TTC6: variants seen among roughly 807,000 people sequenced by gnomAD.
The protein encoded by TTC6 is tetratricopeptide repeat protein 6.
Under a neutral mutation model 210.4 loss-of-function variants are expected in TTC6, and 172 were observed. The ratio of observed to expected loss-of-function variants is 0.82; its 90% CI spans 0.72 to 0.93. The LOEUF is 0.93. TTC6 is among the 40% of genes least tolerant of loss of function. The pLI is 0.00. For synonymous variants in TTC6, 804 were observed against 819.6 expected (o/e 0.98, Z 0.32); for missense variants, 2,414 against 2,318.1 (o/e 1.04, Z -0.85).
In TTC6 at chr14:37,735,916, C is replaced by T. The variant is rs894236565; in HGVS notation, c.1819-5C>T. The T allele has an allele frequency of 1.3e-6, 2 of 1,507,244 alleles. No individual in the cohort carries two copies. The highest frequency in any genetic ancestry group is 1.4e-5 in the African/African-American group (1 of 72,176). 93.4% of individuals were successfully genotyped at this position (1,507,244 alleles called of 1,614,324 possible). A position where few individuals can be genotyped will look rare whatever the true frequency, so the allele number is the denominator to read the frequency against. On this transcript the variant is annotated splice_region_variant and splice_polypyrimidine_tract_variant and intron_variant, in intron 7 of 30. Transcript: ENST00000553443. ...TAATTTAAAATTGTTATCTTTTTAT[C>T]ACAGAGTGTTCAAGCAAGCAGACTT...
At chr14:37,616,072 T>A (rs12147245) in intron 2 of TTC6, among the ~76,000 whole-genome samples, 49,795 of 152,086 alleles carry the variant, frequency 0.33, 8,306 homozygotes, top group Middle Eastern at 0.41. Flanking sequence ...TCACTGTAAG[T>A]CTTGTCTTAC....
At chr14:37,704,761 C>G (rs540131280) in intron 5 of TTC6, among the ~76,000 whole-genome samples, 12 of 152,026 alleles carry the variant, frequency 7.9e-5, no homozygotes, top group Non-Finnish European at 1.2e-4. Context: ...TGATGCTAAT[C>G]TTAGAAAGGG....
rs1196179067 is a variant in TTC6, at chr14:37,842,172, A to G, written c.5542A>G (p.Asn1848Asp). Residue 1848 changes from asparagine (N) to aspartate (D), a missense_variant, in exon 31 of 31, where the codon AAT becomes GAT. Physicochemically the swap from Asn to Asp is conservative, Grantham distance 23. Transcript: ENST00000553443. ...TTTTGCAGCCCTGTCTTTGAAGCCT[A>G]ATGATGCTCTAGTATATAATTTTAG... 6 of 1,587,658 alleles carry G rather than the reference A, an allele frequency of 3.8e-6. No homozygotes were observed. In the Admixed American group the frequency reaches 5.4e-5, roughly 14 times the overall value.
intron 29 of TTC6, among the ~76,000 whole-genome samples, chr14:37,836,969 C>T (rs975435189): frequency 1.1e-4 from 16 of 152,134 alleles, no homozygotes; most frequent in Admixed American, 1.0e-3. Context: ...TTATGAACTA[C>T]AGGTGACATT....
chr14:37,755,093 A>T (rs562154754), intron 14 of TTC6, among the ~76,000 whole-genome samples: 1 of 152,300 alleles, frequency 6.6e-6, no homozygotes, highest in Admixed American at 6.5e-5. Context: ...TTTTATCAGC[A>T]TTCTAACTGG....
intron 1 of TTC6, among the ~76,000 whole-genome samples, chr14:37,673,779 C>T (rs1236489937): frequency 6.6e-6 from 1 of 152,128 alleles, no homozygotes; most frequent in Admixed American, 6.6e-5. Flanking sequence ...CCTTCAAGGT[C>T]CTTCCAGCTT....
At chr14:37,632,926 A>T (rs116021445) in intron 1 of TTC6, among the ~76,000 whole-genome samples, 4,813 of 152,164 alleles carry the variant, frequency 0.032, 291 homozygotes, top group African/African-American at 0.11. Flanking sequence ...AAAAACTCCT[A>T]CTCAATCAGT....
chr14:37,727,790 C>A (rs1220113518), intron 7 of TTC6, among the ~76,000 whole-genome samples: 1 of 152,012 alleles, frequency 6.6e-6, no homozygotes, highest in East Asian at 1.9e-4. Flanking sequence ...AGTGTTTAAA[C>A]ATTTTTTAAA....
At chr14:37,636,374 T>C (rs1182643283) in intron 1 of TTC6, among the ~76,000 whole-genome samples, 1 of 152,132 alleles carries the variant, frequency 6.6e-6, no homozygotes, top group Non-Finnish European at 1.5e-5. Flanking sequence ...TCTTGGGCCA[T>C]AAAATGAACC....
At chr14:37,823,677 GA>G (rs1195461741) in intron 26 of TTC6, 69 bp from the exon 29 acceptor site, 6 of 1,380,074 alleles carry the variant, frequency 4.3e-6, no homozygotes, top group Non-Finnish European at 5.0e-6. Flanking sequence ...TCAGTTATAG[GA>G]AAACATTGTA....
Position 37,701,322 on chromosome 14 carries a change from TCTGTTGCAGAATTCCACAAGACTA to T in TTC6, c.1377-7_1393del. ...GATGAAAGGAGCTCACTTTCTTTTC[TCTGTTGCAGAATTCCACAAGACTA>T]CTCCATGCCGCACCTTCATGATCTG... is the stretch of plus-strand genomic sequence containing the variant. On this transcript the variant is annotated splice_acceptor_variant and splice_polypyrimidine_tract_variant and coding_sequence_variant and intron_variant, in exon 5 of 31. Coordinates refer to ENST00000553443, the Ensembl canonical transcript of TTC6. LOFTEE classifies it high-confidence loss of function. 7.3e-7 allele frequency: 1 copy of T among 1,376,818 alleles called. No individual in the cohort carries two copies. The highest frequency in any genetic ancestry group is 9.4e-7 in the Non-Finnish European group (1 of 1,066,728). 85.3% of individuals were successfully genotyped at this position (1,376,818 alleles called of 1,614,324 possible).
intron 29 of TTC6, among the ~76,000 whole-genome samples, chr14:37,830,106 A>G (rs184775290): frequency 8.5e-5 from 13 of 152,108 alleles, no homozygotes; most frequent in African/African-American, 2.4e-4. Context: ...CCTGTAGCCT[A>G]TTTTATACCT....
At chr14:37,830,919 T>A (rs1157880106) in intron 29 of TTC6, among the ~76,000 whole-genome samples, 1 of 152,166 alleles carries the variant, frequency 6.6e-6, no homozygotes, top group East Asian at 1.9e-4. Context: ...CAAACATTTA[T>A]CGTTTCTTTA....
In TTC6 at chr14:37,708,174, A is replaced by G. The variant is rs1175837292; in HGVS notation, c.1572-6481A>G. Among the ~76,000 whole-genome samples the G allele has an allele frequency of 3.9e-5, 6 of 152,078 alleles. 1 individual carries two copies. The South Asian group carries it at 1.2e-3, about 32-fold the overall frequency. On this transcript the variant is annotated intron_variant, in intron 5 of 30. Coordinates refer to ENST00000553443, the Ensembl canonical transcript of TTC6. Reference sequence around the variant, plus strand: ...CATATTTCTTTGAGGATATATATCTATATATATAAATACAAATGTAGAGAC... The same window carrying G: ...CATATTTCTTTGAGGATATATATCTGTATATATAAATACAAATGTAGAGAC...
chr14:37,709,227 C>A (rs917946958), intron 5 of TTC6, among the ~76,000 whole-genome samples: 1 of 152,032 alleles, frequency 6.6e-6, no homozygotes, highest in Non-Finnish European at 1.5e-5. Context: ...GTTGGTGATA[C>A]ATGTCACAGA....
chr14:37,625,730 C>G (rs151154108), intron 1 of TTC6, among the ~76,000 whole-genome samples: 1 of 152,090 alleles, frequency 6.6e-6, no homozygotes, highest in Non-Finnish European at 1.5e-5. Context: ...TCATAACTTG[C>G]AGCCACATAG....
intron 3 of TTC6, among the ~76,000 whole-genome samples, chr14:37,689,265 C>G (rs887815882): frequency 6.6e-6 from 1 of 151,694 alleles, no homozygotes; most frequent in Non-Finnish European, 1.5e-5. Flanking sequence ...TGAAAATACA[C>G]AGAGGAGACA....
intron 1 of TTC6, among the ~76,000 whole-genome samples, chr14:37,666,978 A>G (rs1261664877): frequency 1.3e-5 from 2 of 150,352 alleles, no homozygotes; most frequent in Non-Finnish European, 3.0e-5. Flanking sequence ...TATGTTCATT[A>G]TTACTATATC....
At chr14:37,654,580 A>G (rs1362743448) in intron 1 of TTC6, among the ~76,000 whole-genome samples, 1 of 152,096 alleles carries the variant, frequency 6.6e-6, no homozygotes, top group Non-Finnish European at 1.5e-5. Flanking sequence ...TTTTCTTATA[A>G]ATGACCCAGT....
Sources: allele counts gnomAD v4.1 joint callset (sites outside exome capture counted in the v4.1 genomes callset), GRCh38; gene constraint gnomAD v4.1.1; transcripts MANE v1.5; gene names NCBI Gene and HGNC (gene_info 2026-07-23, HGNC 2026-07-21).